TMEM63B: variants seen among roughly 807,000 people sequenced by gnomAD.
The protein encoded by TMEM63B is transmembrane protein 63B.
In TMEM63B, 23 loss-of-function variants were observed where a neutral mutation model predicts 102.6. That is an observed-to-expected ratio of 0.22 (90% CI 0.16 to 0.32). The LOEUF is 0.32. Ranked by LOEUF, TMEM63B falls within the 10% of genes least tolerant of loss-of-function variation. The pLI, the probability that TMEM63B is intolerant of heterozygous loss-of-function variation, is 1.00. For synonymous variants in TMEM63B, 444 were observed against 437.0 expected (o/e 1.02, Z -0.20); for missense variants, 628 against 1,095.9 (o/e 0.57, Z 6.03).
intron 6 of TMEM63B, chr6:44,138,877 G>T: frequency 3.2e-6 from 1 of 317,106 alleles, no homozygotes; most frequent in Non-Finnish European, 6.1e-6. Context: ...AGGAGATCCA[G>T]CCAGAGTCCA....
Position 44,135,113 on chromosome 6 carries a change from C to G in TMEM63B, c.239+17C>G. The G allele has an allele frequency of 6.2e-7, 1 of 1,613,410 alleles. No individual in the cohort carries two copies. Among genetic ancestry groups the G allele is most frequent in the Non-Finnish European group, 8.5e-7 (1 of 1,179,336 alleles). ...TGCAGACAGGTAAGGGTCTGGGACCCTCCCTCTAGCTCTCCACACACACAT... is the reference window on the plus strand; with the variant it reads ...TGCAGACAGGTAAGGGTCTGGGACCGTCCCTCTAGCTCTCCACACACACAT... On this transcript the variant is annotated intron_variant, in intron 3 of 23. Transcript: ENST00000323267.
intron 15 of TMEM63B, chr6:44,149,390 C>G (rs188349561): frequency 6.5e-6 from 2 of 307,396 alleles, no homozygotes; most frequent in Non-Finnish European, 1.3e-5. Flanking sequence ...TCTCCTCCCA[C>G]GCATAGAGCA....
At position 44,148,329 on chromosome 6, in the gene TMEM63B, T is replaced by C; in HGVS notation, c.1065T>C (p.Asn355=). ...ACAAGCGGGAGAAGGAGAAGGTGAA[T>C]GAGAAGCCTCTTGGCATGGCCTTTG... The part of the protein sequence containing the change: ...EDYKREKEKV[N]EKPLGMAFVT... The change falls in exon 13 of 24, where the codon AAT becomes AAC. Residue 355 remains asparagine (N), a synonymous_variant. Coordinates refer to ENST00000323267, the MANE Select transcript of TMEM63B (RefSeq NM_018426.3). The surrounding 1 kb of genome is among the most constrained non-coding windows in gnomAD (Gnocchi z 5.1). The C allele has an allele frequency of 6.2e-7, 1 of 1,614,208 alleles. No individual in the cohort carries two copies. Among genetic ancestry groups the C allele is most frequent in the African/African-American group, 1.3e-5 (1 of 75,052 alleles).
At chr6:44,149,123 TGAGA>T in intron 15 of TMEM63B, 178 bp downstream of exon 15, 1 of 851,108 alleles carries the variant, frequency 1.2e-6, no homozygotes, top group South Asian at 1.6e-5. Flanking sequence ...ACCTTCCCCC[TGAGA>T]GAGGCCACCC....
At chr6:44,139,002 C>T (rs770526436) in intron 6 of TMEM63B, 76 of 254,024 alleles carry the variant, frequency 3.0e-4, no homozygotes, top group Middle Eastern at 1.4e-3. Flanking sequence ...CCAGGCTCAG[C>T]CACACCCATG....
At chr6:44,127,186 AC>A (rs74487768), upstream of TMEM63B, 7,836 of 111,488 alleles carry the variant, frequency 0.07, 465 homozygotes, top group East Asian at 0.3. Context: ...CCCCGTCGGG[AC>A]CCCCCCCTCC....
chr6:44,152,746 G>C lies in TMEM63B; in HGVS notation c.1942+48G>C, dbSNP rs757094405. 4 of 1,483,728 alleles carry C rather than the reference G, an allele frequency of 2.7e-6. No homozygotes were observed. Among genetic ancestry groups the C allele is most frequent in the Non-Finnish European group, 3.7e-6 (4 of 1,075,104 alleles). The allele number at this position is 1,483,728 out of a possible 1,614,324, so 91.9% of individuals were successfully genotyped here. ...CTGGGCCCTGCTCGGGGGGACCCAG[G>C]ACTTCACCCTCTCCACTCTAGGAAT... On this transcript the variant is annotated intron_variant, in intron 20 of 23. Coordinates refer to ENST00000323267, the MANE Select transcript of TMEM63B (RefSeq NM_018426.3). The surrounding 1 kb of genome is among the most constrained non-coding windows in gnomAD (Gnocchi z 6.4).
chr6:44,134,752 CT>C lies in TMEM63B; in HGVS notation c.159+10del, dbSNP rs752135439. ...ACTTCATGTGCTTCCTTGTAAGTGC[CT>C]GCTGCCACCCCTTACCTTGGCATCC... On this transcript the variant is annotated intron_variant, in intron 2 of 23. Transcript: ENST00000323267. The C allele has an allele frequency of 6.8e-6, 11 of 1,610,154 alleles. No homozygotes were observed. Among genetic ancestry groups the C allele is most frequent in the Non-Finnish European group, 9.3e-6 (11 of 1,177,402 alleles).
At position 44,150,606 on chromosome 6, in the gene TMEM63B, G is replaced by A. The variant is rs778069626; in HGVS notation, c.1650G>A (p.Leu550=). ...GCTGGCTCTTTGATAAGAAATTCTTGGCTGAGGCAGCTATTCGGTTTGAGT... is the reference window on the plus strand; with the variant it reads ...GCTGGCTCTTTGATAAGAAATTCTTAGCTGAGGCAGCTATTCGGTTTGAGT... ...FFRWLFDKKF[L]AEAAIRFECV... is the part of the protein sequence containing the mutation. Residue 550 remains leucine (L), a synonymous_variant, in exon 18 of 24, where the codon TTG becomes TTA. Coordinates refer to ENST00000323267, the MANE Select transcript of TMEM63B (RefSeq NM_018426.3). This position sits in a 1 kb window ranked among gnomAD's most constrained non-coding sequence, Gnocchi z 4.7. 2.5e-6 allele frequency: 4 copies of A among 1,614,132 alleles called. No homozygotes were observed. Among genetic ancestry groups the A allele is most frequent in the Non-Finnish European group, 2.5e-6 (3 of 1,180,008 alleles).
chr6:44,141,408 C>A (rs1001509667), intron 10 of TMEM63B, among the ~76,000 whole-genome samples: 4 of 152,176 alleles, frequency 2.6e-5, no homozygotes, highest in Admixed American at 6.5e-5. Context: ...TACATATCTT[C>A]TTCAAAATTA....
rs555200543 is a variant in TMEM63B, at chr6:44,152,297, G to A, written c.1836+289G>A. Among the ~76,000 whole-genome samples the A allele has an allele frequency of 1.8e-4, 27 of 152,134 alleles. No homozygotes were observed. The highest frequency in any genetic ancestry group is 6.0e-4 in the African/African-American group (25 of 41,498). ...CGCTAGGGTCCCTCTGTCTTAATAA[G>A]AGGGCTCTGGGCATCCCACTCTCAA... On this transcript the variant is annotated intron_variant, in intron 19 of 23. Coordinates refer to ENST00000323267, the MANE Select transcript of TMEM63B (RefSeq NM_018426.3). The surrounding 1 kb of genome is among the most constrained non-coding windows in gnomAD (Gnocchi z 6.4).
At position 44,135,044 on chromosome 6, in the gene TMEM63B, C is replaced by T. The variant is rs1762644573; in HGVS notation, c.187C>T (p.Arg63Trp). 1.2e-6 allele frequency: 2 copies of T among 1,614,242 alleles called. No individual in the cohort carries two copies. Among genetic ancestry groups the T allele is most frequent in the African/African-American group, 1.3e-5 (1 of 75,054 alleles). Residue 63 changes from arginine to tryptophan, a missense_variant, in exon 3 of 24, where the codon CGG becomes TGG. This residue lies in a region of TMEM63B where 336 missense variants were observed against 580.3 expected (regional missense o/e 0.58). Transcript: ENST00000323267. Reference sequence around the variant, plus strand: ...ACTGCTGTTCTTATTCTCTATCCTCCGGAAGGTGGCCTGGGACTATGGGCG... The same window carrying T: ...ACTGCTGTTCTTATTCTCTATCCTCTGGAAGGTGGCCTGGGACTATGGGCG... ...LALLFLFSILRKVAWDYGRLA... is the reference protein window; with the variant it reads ...LALLFLFSILWKVAWDYGRLA...
intron 4 of TMEM63B, among the ~76,000 whole-genome samples, chr6:44,136,037 C>T (rs1762875019): frequency 6.6e-6 from 1 of 152,182 alleles, no homozygotes. Flanking sequence ...TGCCAGTCAA[C>T]TCTGGAACTG....
Position 44,138,382 on chromosome 6 carries a change from G to T in TMEM63B, c.370-98G>T, listed in dbSNP as rs180792464. On this transcript the variant is annotated intron_variant, in intron 5 of 23. Transcript: ENST00000323267. The stretch of plus-strand genomic sequence containing the variant: ...TTTTAGTGAGGGGTGTGGAAGCTAT[G>T]CCTGGAGGTAATTATGAGAATGGGT... The T allele has an allele frequency of 7.5e-6, 11 of 1,475,904 alleles. No homozygotes were observed. The East Asian group carries it at 2.5e-4, about 33-fold the overall frequency. The allele number at this position is 1,475,904 out of a possible 1,614,324, so 91.4% of individuals were successfully genotyped here. A position where few individuals can be genotyped will look rare whatever the true frequency, so the allele number is the denominator to read the frequency against.
intron 15 of TMEM63B, 138 bp downstream of exon 15, chr6:44,149,083 CCT>C: frequency 3.0e-6 from 4 of 1,328,188 alleles, no homozygotes; most frequent in Non-Finnish European, 3.1e-6. Context: ...CCCAAAAACC[CCT>C]GTGTGCACTT....
Position 44,154,823 on chromosome 6 carries a change from C to T in TMEM63B, c.2439C>T (p.Leu813=), listed in dbSNP as rs780794403. Residue 813 remains leucine, a synonymous_variant, in exon 24 of 24, where the codon CTC becomes CTT. Coordinates refer to ENST00000323267, the MANE Select transcript of TMEM63B (RefSeq NM_018426.3). ...DEELLMPPDA[L]TDTDFQSCED... ...AGTTGCTGATGCCACCCGACGCCCT[C>T]ACGGACACAGACTTCCAGTCTTGCG... 1.3e-5 allele frequency: 21 copies of T among 1,610,056 alleles called. No individual in the cohort carries two copies. The highest frequency in any genetic ancestry group is 1.5e-5 in the Non-Finnish European group (18 of 1,178,928).
rs1206160785 is a variant in TMEM63B at position 44,148,685 on chromosome 6, G to A, written c.1259+35G>A. The A allele has an allele frequency of 1.9e-6, 3 of 1,612,146 alleles. No homozygotes were observed. The highest frequency in any genetic ancestry group is 1.7e-5 in the Admixed American group (1 of 59,952). On this transcript the variant is annotated intron_variant, in intron 14 of 23. Transcript: ENST00000323267. The surrounding 1 kb of genome is among the most constrained non-coding windows in gnomAD (Gnocchi z 5.1). Reference sequence around the variant, plus strand: ...CAGGTGTCAGGGCAGGCTTTCCAGGGCCTGGGATGGGCTCAGTAGGTAGGC... The same window carrying A: ...CAGGTGTCAGGGCAGGCTTTCCAGGACCTGGGATGGGCTCAGTAGGTAGGC...
rs1765533737 is a variant in TMEM63B at position 44,146,919 on chromosome 6, T to C, written c.855T>C (p.Asp285=). The C allele has an allele frequency of 6.2e-7, 1 of 1,614,014 alleles. No homozygotes were observed. The highest frequency in any genetic ancestry group is 8.5e-7 in the Non-Finnish European group (1 of 1,179,954). The change falls in exon 11 of 24, where the codon GAT becomes GAC. Residue 285 remains aspartate, a synonymous_variant. Coordinates refer to ENST00000323267, the MANE Select transcript of TMEM63B (RefSeq NM_018426.3). ...CYNVARLMFL[D]AERKKAERGK... is the part of the protein sequence containing the mutation. ...ACGTGGCTCGCCTAATGTTCCTCGA[T>C]GCAGAGAGGTAAGGGACTGGGGGCA...
chr6:44,153,945 G>T, intron 21 of TMEM63B, 102 bp downstream of exon 21: 1 of 1,567,026 alleles, frequency 6.4e-7, no homozygotes, highest in Non-Finnish European at 8.7e-7. Flanking sequence ...GCAGGCAAGG[G>T]GCCTGGGAGA....
Sources: gnomAD v4.1 joint callset for allele counts (sites outside exome capture counted in the v4.1 genomes callset) on GRCh38, gnomAD v4.1.1 for gene constraint, gnomAD v4.1.1 regional missense constraint, Gnocchi (gnomAD v3.1) non-coding constraint, MANE v1.5 for transcripts, NCBI Gene and HGNC (gene_info 2026-07-23, HGNC 2026-07-21) for gene names.